PHACTR4: variants seen among roughly 807,000 people sequenced by gnomAD.
The protein encoded by PHACTR4 is phosphatase and actin regulator 4.
Under a neutral mutation model 72.7 loss-of-function variants are expected in PHACTR4, and 51 were observed. The ratio of observed to expected loss-of-function variants is 0.70; its 90% CI spans 0.56 to 0.89. The LOEUF (loss-of-function observed/expected upper bound fraction) is 0.89. PHACTR4 is among the 40% of genes least tolerant of loss of function. PHACTR4 has a pLI of 0.00. For synonymous variants in PHACTR4, 255 were observed against 302.5 expected, an observed-to-expected ratio of 0.84 and a Z score of 1.63; for missense variants, 731 against 861.8, an observed-to-expected ratio of 0.85 and a Z score of 1.90.
At chr1:28,379,097 C>T (rs1188916871) in intron 1 of PHACTR4, among the ~76,000 whole-genome samples, 1 of 152,050 alleles carries the variant, frequency 6.6e-6, no homozygotes. Context: ...GCTGGGACTA[C>T]AGGCATACCG....
chr1:28,380,779 G>A lies in PHACTR4; in HGVS notation c.-39+10954G>A, dbSNP rs191074280. ...TTTAGGTTGATTCCGTGTCTTTGCT[G>A]TTGTGAATAGTGCTGCAGTGAACAT... On this transcript the variant is annotated intron_variant, in intron 1 of 13. Transcript: ENST00000373839. Among the ~76,000 whole-genome samples, 510 of 152,042 alleles carry A rather than the reference G, an allele frequency of 3.4e-3. 3 individuals carry two copies. Among genetic ancestry groups the A allele is most frequent in the African/African-American group, 0.011 (467 of 41,488 alleles).
rs150152952 is a variant in PHACTR4, at chr1:28,435,557, G to A, written c.17-23528G>A. 2.8e-3 allele frequency among the ~76,000 whole-genome samples: 422 copies of A among 152,298 alleles called. 2 individuals are homozygous for A. The highest frequency in any genetic ancestry group is 9.7e-3 in the African/African-American group (403 of 41,558). ...TGGGATTATAGGCGTGAGCCACCAC[G>A]TCCAGCCTTGTACTAGTAATTGTTG... On this transcript the variant is annotated intron_variant, in intron 2 of 13. Coordinates refer to ENST00000373839, the MANE Select transcript of PHACTR4 (RefSeq NM_001048183.3).
intron 13 of PHACTR4, among the ~76,000 whole-genome samples, chr1:28,496,331 CA>C (rs2124566789): frequency 6.6e-6 from 1 of 152,110 alleles, no homozygotes; most frequent in African/African-American, 2.4e-5. Context: ...GCTGGGATTA[CA>C]GGTGTGAACC....
Position 28,408,841 on chromosome 1 carries a change from G to A in PHACTR4, c.16+1378G>A, listed in dbSNP as rs1248886126. Among the ~76,000 whole-genome samples, 3 of 121,994 alleles carry A rather than the reference G, an allele frequency of 2.5e-5. No individual in the cohort carries two copies. The South Asian group carries it at 7.2e-4, about 29-fold the overall frequency. The allele number at this position is 121,994 out of a possible 152,430, so 80.0% of individuals were successfully genotyped here. On this transcript the variant is annotated intron_variant, in intron 2 of 13. Transcript: ENST00000373839. ...TAGGTGTGCACCCCTATGCCCGACT[G>A]ATTTTTTTTTTTTTTTTTGGTAGAG...
chr1:28,458,093 TTATGGTGTGTGTGTTTGTG>T (rs1299292136), intron 2 of PHACTR4, among the ~76,000 whole-genome samples: 2 of 148,712 alleles, frequency 1.3e-5, no homozygotes, highest in African/African-American at 5.0e-5. Flanking sequence ...ATCCTTAATA[TTATGGTGTGTGTGTTTGTG>T]TGTGTGTGTG....
chr1:28,398,259 G>A (rs528913684), intron 1 of PHACTR4, among the ~76,000 whole-genome samples: 124 of 152,208 alleles, frequency 8.1e-4, no homozygotes, highest in Non-Finnish European at 1.4e-3. Context: ...GGTGGCTCAC[G>A]CCTGTAATCC....
At chr1:28,475,686 A>G (rs1294059424) in intron 7 of PHACTR4, among the ~76,000 whole-genome samples, 1 of 149,000 alleles carries the variant, frequency 6.7e-6, no homozygotes, top group African/African-American at 2.6e-5. Context: ...AAGTTACTTC[A>G]TCCATAGATT....
chr1:28,432,229 G>A (rs999242973), intron 2 of PHACTR4, among the ~76,000 whole-genome samples: 1 of 151,208 alleles, frequency 6.6e-6, no homozygotes, highest in African/African-American at 2.4e-5. Flanking sequence ...GAATATCTTT[G>A]GTATGCCCAG....
chr1:28,458,218 T>A (rs1335931112), intron 2 of PHACTR4, among the ~76,000 whole-genome samples: 1 of 149,590 alleles, frequency 6.7e-6, no homozygotes, highest in Non-Finnish European at 1.5e-5. Context: ...CACAGCCAAC[T>A]GCAGCATTGA....
chr1:28,477,564 G>A (rs1419535245), intron 8 of PHACTR4, among the ~76,000 whole-genome samples: 1 of 152,012 alleles, frequency 6.6e-6, no homozygotes, highest in Non-Finnish European at 1.5e-5. Context: ...GGGTAATTAG[G>A]CTATCCATCT....
intron 1 of PHACTR4, among the ~76,000 whole-genome samples, chr1:28,380,144 C>T: frequency 6.8e-6 from 1 of 146,720 alleles, no homozygotes; most frequent in East Asian, 2.0e-4. Context: ...GCAAGCTCCG[C>T]CTCCCAGGTT....
chr1:28,386,156 C>T (rs899277105), intron 1 of PHACTR4, among the ~76,000 whole-genome samples: 1 of 151,990 alleles, frequency 6.6e-6, no homozygotes, highest in African/African-American at 2.4e-5. Context: ...TGCAGTGGTG[C>T]GATCTCGGCT....
chr1:28,427,071 G>T (rs1655916488), intron 2 of PHACTR4, among the ~76,000 whole-genome samples: 1 of 152,158 alleles, frequency 6.6e-6, no homozygotes, highest in Admixed American at 6.6e-5. Context: ...TGTGTGGCTA[G>T]TGGCCACAGT....
At chr1:28,459,488 A>ACCT (rs1658650608) in intron 3 of PHACTR4, among the ~76,000 whole-genome samples, 1 of 149,680 alleles carries the variant, frequency 6.7e-6, no homozygotes, top group African/African-American at 2.5e-5. Context: ...TGCAGATTCA[A>ACCT]CCTCCTGGGC....
chr1:28,397,413 A>G (rs565995465), intron 1 of PHACTR4, among the ~76,000 whole-genome samples: 77 of 152,348 alleles, frequency 5.1e-4, no homozygotes, highest in African/African-American at 1.7e-3. Context: ...AATTTGTCCA[A>G]TGAAAGATAA....
intron 2 of PHACTR4, chr1:28,457,257 A>G (rs570950038): frequency 3.5e-4 from 149 of 423,970 alleles, no homozygotes; most frequent in African/African-American, 2.8e-3. Context: ...TAAAAATTTA[A>G]TGCTGTTGGT....
chr1:28,481,659 A>G (rs1009870712), intron 9 of PHACTR4, among the ~76,000 whole-genome samples: 5 of 151,692 alleles, frequency 3.3e-5, no homozygotes, highest in Admixed American at 3.3e-4. Flanking sequence ...GCATGGTGGC[A>G]TGCGCCTATA....
chr1:28,453,814 G>T, intron 2 of PHACTR4: 1 of 879,952 alleles, frequency 1.1e-6, no homozygotes, highest in South Asian at 1.3e-5. Flanking sequence ...AAATCATGAT[G>T]CTGACAGAGC....
At chr1:28,429,443 G>A (rs936692054) in intron 2 of PHACTR4, among the ~76,000 whole-genome samples, 1 of 152,142 alleles carries the variant, frequency 6.6e-6, no homozygotes, top group Non-Finnish European at 1.5e-5. Context: ...TGGTCTCGAC[G>A]TTTTTTCTGG....
Sources: gnomAD v4.1 joint callset for allele counts (sites outside exome capture counted in the v4.1 genomes callset) on GRCh38, gnomAD v4.1.1 for gene constraint, MANE v1.5 for transcripts, NCBI Gene and HGNC (gene_info 2026-07-23, HGNC 2026-07-21) for gene names.